The following COL6A5 variants were observed in gnomAD, a reference collection of about 807,000 sequenced individuals.
COL6A5 encodes the protein collagen type VI alpha 5 chain.
In COL6A5, 48 loss-of-function variants were observed where a neutral mutation model predicts 65.6. That is an observed-to-expected ratio of 0.73 (90% CI 0.58 to 0.93). COL6A5 has a LOEUF of 0.93. Ranked by LOEUF, COL6A5 falls within the 40% of genes least tolerant of loss-of-function variation. The pLI is 0.00. For synonymous variants in COL6A5, 291 were observed against 322.8 expected (o/e 0.90, Z 1.05); for missense variants, 914 against 928.3 (o/e 0.98, Z 0.20).
chr3:130,479,200 C>G (rs1559924786), intron 7 of COL6A5, among the ~76,000 whole-genome samples: 1 of 151,870 alleles, frequency 6.6e-6, no homozygotes, highest in Non-Finnish European at 1.5e-5. Context: ...ACTCCTCTTC[C>G]CTTCCACCAT....
exon 4 of COL6A5, chr3:130,379,489 A>C (rs1422520353): frequency 1.9e-6 from 3 of 1,551,296 alleles, no homozygotes; most frequent in Admixed American, 3.9e-5. Context: ...GTCACTTGGG[A>C]CCGGAGGAAA....
At chr3:130,479,806 T>C (rs1006986567) in intron 7 of COL6A5, among the ~76,000 whole-genome samples, 3 of 152,148 alleles carry the variant, frequency 2.0e-5, no homozygotes, top group African/African-American at 7.2e-5. Flanking sequence ...ATTAAACTTT[T>C]CCAAACATTT....
chr3:130,414,714 G>T (rs1380196848), intron 22 of COL6A5, among the ~76,000 whole-genome samples: 1 of 152,080 alleles, frequency 6.6e-6, no homozygotes, highest in Non-Finnish European at 1.5e-5. Context: ...CGTAGCACAT[G>T]GTTGTTTAGT....
At chr3:130,357,427 A>G (rs1432330608) in intron 1 of COL6A5, among the ~76,000 whole-genome samples, 1 of 152,262 alleles carries the variant, frequency 6.6e-6, no homozygotes, top group African/African-American at 2.4e-5. Context: ...TGTTTAGAAC[A>G]AAGAGAAAGA....
chr3:130,424,382 G>A (rs13093230), intron 29 of COL6A5, among the ~76,000 whole-genome samples: 27,583 of 151,902 alleles, frequency 0.18, 2,728 homozygotes, highest in South Asian at 0.31. Context: ...CACCTCTGGA[G>A]GCGTTCTCAG....
exon 25 of COL6A5, chr3:130,418,903 T>G: frequency 6.4e-7 from 1 of 1,550,710 alleles, no homozygotes; most frequent in South Asian, 1.2e-5. Context: ...CTAGGGCCAG[T>G]GGGGCAAACT....
chr3:130,439,339 TTGTG>T (rs5852597), intron 1 of COL6A5, among the ~76,000 whole-genome samples, 179 bp from the exon 34 acceptor site: 25,909 of 146,454 alleles, frequency 0.18, 2,440 homozygotes, highest in East Asian at 0.37. Flanking sequence ...AAGCAGGGGA[TTGTG>T]TGTGTGTGTG....
intron 7 of COL6A5, among the ~76,000 whole-genome samples, chr3:130,472,937 A>G (rs746218490): frequency 1.3e-5 from 2 of 148,534 alleles, no homozygotes; most frequent in Non-Finnish European, 3.0e-5. Flanking sequence ...AGTTTTAGAT[A>G]TGGGTATAAT....
intron 25 of COL6A5, among the ~76,000 whole-genome samples, chr3:130,420,030 C>T (rs1937480525): frequency 6.6e-6 from 1 of 152,080 alleles, no homozygotes; most frequent in Non-Finnish European, 1.5e-5. Flanking sequence ...AGTCTTCCTT[C>T]ATTGCATTTT....
intron 1 of COL6A5, among the ~76,000 whole-genome samples, chr3:130,363,924 T>C (rs1935233499): frequency 6.6e-6 from 1 of 152,204 alleles, no homozygotes; most frequent in African/African-American, 2.4e-5. Context: ...TCCTCCTGTC[T>C]GTCTCTTCAA....
At chr3:130,480,286 G>A (rs1313075206) in intron 7 of COL6A5, among the ~76,000 whole-genome samples, 2 of 151,840 alleles carry the variant, frequency 1.3e-5, no homozygotes, top group African/African-American at 2.4e-5. Context: ...ATGTTGTTTT[G>A]ATAAATTCTA....
exon 6 of COL6A5, chr3:130,468,894 A>T (rs371280788): frequency 6.2e-7 from 1 of 1,612,114 alleles, no homozygotes; most frequent in Non-Finnish European, 8.5e-7. Context: ...TTCCTCATAG[A>T]TGCTTCCCAA....
chr3:130,421,618 T>C (rs1271257604), intron 27 of COL6A5, among the ~76,000 whole-genome samples: 1 of 152,116 alleles, frequency 6.6e-6, no homozygotes, highest in Non-Finnish European at 1.5e-5. Flanking sequence ...CAGTCTTCTG[T>C]TCTCTTCTTG....
In COL6A5 at chr3:130,373,707, T is replaced by G; in HGVS notation, c.67+2T>G. 3 of 1,514,852 alleles carry G rather than the reference T, an allele frequency of 2.0e-6. No homozygotes were observed. The highest frequency in any genetic ancestry group is 2.7e-6 in the Non-Finnish European group (3 of 1,116,810). 93.8% of individuals were successfully genotyped at this position (1,514,852 alleles called of 1,614,324 possible). ...AAACATTGGCAGACCAGAGCCCAGG[T>G]ATCAGTATATTTTACGTTTATTATT... On this transcript the variant is annotated splice_donor_variant and NMD_transcript_variant, in intron 2 of 41. Transcript: ENST00000312481.
chr3:130,400,660 C>T (rs1295716035), intron 10 of COL6A5, among the ~76,000 whole-genome samples: 4 of 152,190 alleles, frequency 2.6e-5, no homozygotes. Context: ...GCAAAGCTCT[C>T]TGGAGATGAA....
chr3:130,356,892 T>C (rs1023776045), intron 1 of COL6A5, among the ~76,000 whole-genome samples: 10 of 152,198 alleles, frequency 6.6e-5, no homozygotes, highest in Non-Finnish European at 1.3e-4. Flanking sequence ...TATTACCACA[T>C]AGGAAAGAAT....
chr3:130,405,849 T>C, intron 14 of COL6A5, 144 bp from the exon 15 acceptor site: 1 of 928,944 alleles, frequency 1.1e-6, no homozygotes, highest in South Asian at 1.5e-5. Context: ...GTCTTTAGCA[T>C]TAATAAATTG....
exon 6 of COL6A5, chr3:130,388,863 T>G: frequency 6.4e-7 from 1 of 1,551,292 alleles, no homozygotes; most frequent in South Asian, 1.2e-5. Context: ...ATTTTGTAGG[T>G]CAATACTTCA....
exon 6 of COL6A5, chr3:130,468,895 T>C: frequency 1.9e-6 from 3 of 1,612,194 alleles, no homozygotes; most frequent in Non-Finnish European, 2.5e-6. Flanking sequence ...TCCTCATAGA[T>C]GCTTCCCAAA....
Sources: allele counts gnomAD v4.1 joint callset (sites outside exome capture counted in the v4.1 genomes callset), GRCh38; gene constraint gnomAD v4.1.1; transcripts MANE v1.5; gene names NCBI Gene and HGNC (gene_info 2026-07-23, HGNC 2026-07-21).